SMIM45: variants seen among roughly 807,000 people sequenced by gnomAD.
The protein encoded by SMIM45 is small integral membrane protein 45.
the SMIM45 span, among the ~76,000 whole-genome samples, chr22:41,950,728 G>T: frequency 2.6e-5 from 4 of 152,146 alleles, no homozygotes; most frequent in Non-Finnish European, 2.9e-5. Context: ...AGGCGCAGTG[G>T]CTCACGCCTG....
chr22:41,946,992 C>A, the SMIM45 span: 1 of 1,610,926 alleles, frequency 6.2e-7, no homozygotes, highest in South Asian at 1.1e-5. Flanking sequence ...GAAAAACCGG[C>A]GGGGGAAGCA....
chr22:41,948,226 T>C, the SMIM45 span, among the ~76,000 whole-genome samples: 1 of 152,346 alleles, frequency 6.6e-6, no homozygotes, highest in East Asian at 1.9e-4. Context: ...AAGTCCCTGG[T>C]ACATCGTAGT....
chr22:41,952,757 G>A, the SMIM45 span, among the ~76,000 whole-genome samples: 6 of 152,188 alleles, frequency 3.9e-5, no homozygotes, highest in African/African-American at 1.4e-4. Context: ...GGGCTGGAGA[G>A]GTTGGGGGAC....
chr22:41,953,986 G>A, the SMIM45 span, among the ~76,000 whole-genome samples: 2 of 127,708 alleles, frequency 1.6e-5, no homozygotes, highest in Admixed American at 7.3e-5. Context: ...TCCTGATCAA[G>A]TCTCAAAAAA....
At chr22:41,947,218 GA>G in the SMIM45 span, 2 of 703,846 alleles carry the variant, frequency 2.8e-6, no homozygotes, top group Non-Finnish European at 4.9e-6. Context: ...CCTCTTAAAG[GA>G]ACCGAACCTT....
At chr22:41,954,233 G>A in the SMIM45 span, among the ~76,000 whole-genome samples, 1 of 134,652 alleles carries the variant, frequency 7.4e-6, no homozygotes, top group Non-Finnish European at 1.5e-5. Flanking sequence ...TTGAGATGGA[G>A]TCTTGCTCTG....
the SMIM45 span, among the ~76,000 whole-genome samples, chr22:41,948,511 C>T: frequency 0.065 from 9,935 of 152,140 alleles, 1,074 homozygotes; most frequent in African/African-American, 0.23. Context: ...AAGATCAGGA[C>T]GTAAATGGCC....
chr22:41,949,956 G>A, the SMIM45 span, among the ~76,000 whole-genome samples: 1 of 152,110 alleles, frequency 6.6e-6, no homozygotes, highest in African/African-American at 2.4e-5. Flanking sequence ...AGCTGGCAGG[G>A]TCATCAGAGT....
At chr22:41,947,730 AT>A in the SMIM45 span, among the ~76,000 whole-genome samples, 1 of 144,764 alleles carries the variant, frequency 6.9e-6, no homozygotes, top group Admixed American at 7.1e-5. Flanking sequence ...TAGTGACACG[AT>A]CATAGCTCAC....
the SMIM45 span, among the ~76,000 whole-genome samples, chr22:41,954,358 C>T: frequency 6.6e-6 from 1 of 151,946 alleles, no homozygotes; most frequent in Admixed American, 6.6e-5. Flanking sequence ...AGGTGCCTGC[C>T]ACCACCCCTG....
chr22:41,951,219 C>T, the SMIM45 span, among the ~76,000 whole-genome samples: 36 of 152,246 alleles, frequency 2.4e-4, no homozygotes, highest in African/African-American at 8.2e-4. Flanking sequence ...AGCCACGCCC[C>T]GTGGGCCCTA....
chr22:41,957,693 A>C, the SMIM45 span: 1 of 152,634 alleles, frequency 6.6e-6, no homozygotes, highest in Non-Finnish European at 1.5e-5. Context: ...GCGATGCCGC[A>C]CTTCCTGGAC....
chr22:41,948,215 A>C, the SMIM45 span, among the ~76,000 whole-genome samples: 4 of 152,214 alleles, frequency 2.6e-5, no homozygotes, highest in Admixed American at 1.3e-4. Flanking sequence ...CAGCACTCTA[A>C]AAGTCCCTGG....
the SMIM45 span, among the ~76,000 whole-genome samples, chr22:41,951,030 C>A: frequency 6.6e-6 from 1 of 152,254 alleles, no homozygotes; most frequent in African/African-American, 2.4e-5. Context: ...AGTCACCCCC[C>A]AGTCCCACAT....
At chr22:41,954,866 G>T in the SMIM45 span, among the ~76,000 whole-genome samples, 1 of 152,110 alleles carries the variant, frequency 6.6e-6, no homozygotes, top group Non-Finnish European at 1.5e-5. Context: ...AACTACCTGG[G>T]CATGGTGGCA....
chr22:41,946,954 AC>A, the SMIM45 span: 2 of 1,523,124 alleles, frequency 1.3e-6, no homozygotes, highest in South Asian at 2.2e-5. Flanking sequence ...AGCTCAGTTG[AC>A]CTAGTGGCTG....
At chr22:41,954,360 C>T in the SMIM45 span, among the ~76,000 whole-genome samples, 2 of 152,018 alleles carry the variant, frequency 1.3e-5, no homozygotes, top group South Asian at 2.1e-4. Flanking sequence ...GTGCCTGCCA[C>T]CACCCCTGGC....
chr22:41,948,408 G>A, the SMIM45 span, among the ~76,000 whole-genome samples: 1 of 152,266 alleles, frequency 6.6e-6, no homozygotes, highest in South Asian at 2.1e-4. Flanking sequence ...AATGATAACA[G>A]TGTGTTCATT....
the SMIM45 span, chr22:41,946,967 A>G: frequency 6.3e-7 from 1 of 1,585,168 alleles, no homozygotes; most frequent in Non-Finnish European, 8.7e-7. Flanking sequence ...TAGTGGCTGA[A>G]GCACCGCCCA....
Sources: allele counts gnomAD v4.1 joint callset (sites outside exome capture counted in the v4.1 genomes callset), GRCh38; gene constraint gnomAD v4.1.1; transcripts MANE v1.5; gene names NCBI Gene and HGNC (gene_info 2026-07-23, HGNC 2026-07-21).